The following DPP6 variants were observed in gnomAD, a reference collection of about 807,000 sequenced individuals.
DPP6 encodes dipeptidyl peptidase like 6, also known as A-type potassium channel modulatory protein DPP6.
DPP6 carries 69 observed loss-of-function variants against 122.6 expected under a neutral mutation model. The ratio of observed to expected loss-of-function variants is 0.56; its 90% CI spans 0.46 to 0.69. The LOEUF (loss-of-function observed/expected upper bound fraction) is 0.69, where lower values mean the gene tolerates loss of function less well. Ranked by LOEUF, DPP6 falls within the 30% of genes least tolerant of loss-of-function variation. DPP6 has a pLI of 0.00. For missense variants in DPP6, 928 were observed against 1,116.9 expected (o/e 0.83, Z 2.41); for synonymous variants, 418 against 433.1 (o/e 0.97, Z 0.43).
At chr7:154,295,859 A>G (rs774740566) in intron 1 of DPP6, among the ~76,000 whole-genome samples, 2 of 151,752 alleles carry the variant, frequency 1.3e-5, no homozygotes, top group African/African-American at 2.4e-5. Context: ...TTTTTTCTTA[A>G]GTACTGTGTC....
chr7:154,077,661 TTTATTA>T lies in DPP6; in HGVS notation c.243+24610_243+24615del, dbSNP rs796854345. 3.0e-4 allele frequency among the ~76,000 whole-genome samples: 44 copies of T among 148,094 alleles called. No homozygotes were observed. In the South Asian group the frequency reaches 3.0e-3, roughly 10 times the overall value. On this transcript the variant is annotated intron_variant, in intron 1 of 25. Transcript: ENST00000377770. Reference sequence around the variant, plus strand: ...AACCTTAAATAGATTATAGATTTTATTTATTATTATTATTATTTTTTTTTTTTTGAG... The same window carrying T: ...AACCTTAAATAGATTATAGATTTTATTTATTATTATTTTTTTTTTTTTGAG...
chr7:154,145,401 G>A (rs114972408), intron 1 of DPP6, among the ~76,000 whole-genome samples: 1,855 of 152,270 alleles, frequency 0.012, 14 homozygotes, highest in African/African-American at 0.042. Flanking sequence ...CAGCCACTGA[G>A]CTTGGAAGAG....
intron 1 of DPP6, among the ~76,000 whole-genome samples, chr7:153,956,178 G>C (rs1177566511): frequency 6.6e-6 from 1 of 152,132 alleles, no homozygotes; most frequent in African/African-American, 2.4e-5. Flanking sequence ...GTATCATCAG[G>C]GAAGCAACAC....
chr7:154,254,524 G>T (rs774126037), intron 1 of DPP6, among the ~76,000 whole-genome samples: 6 of 152,174 alleles, frequency 3.9e-5, no homozygotes, highest in Non-Finnish European at 8.8e-5. Flanking sequence ...GTAAGCAGGA[G>T]TTCTGAGATG....
intron 1 of DPP6, among the ~76,000 whole-genome samples, chr7:154,267,267 A>C (rs1398796904): frequency 6.7e-6 from 1 of 150,012 alleles, no homozygotes; most frequent in East Asian, 1.9e-4. Context: ...TAAATATTCA[A>C]CATTTTTTCA....
At chr7:154,206,314 C>T (rs567260445) in intron 1 of DPP6, among the ~76,000 whole-genome samples, 1 of 152,350 alleles carries the variant, frequency 6.6e-6, no homozygotes, top group African/African-American at 2.4e-5. Context: ...CATAAATTAG[C>T]AACCTCCTCT....
rs139562428 is a variant in DPP6, at chr7:154,744,055, G to A, written c.883+16168G>A. On this transcript the variant is annotated intron_variant, in intron 8 of 25. Transcript: ENST00000377770. ...TGCAGCTGAGCGGCCTTGGTGCAGAGGTGGATTTGCAGCCAGTTGTCCACA... is the reference window on the plus strand; with the variant it reads ...TGCAGCTGAGCGGCCTTGGTGCAGAAGTGGATTTGCAGCCAGTTGTCCACA... Among the ~76,000 whole-genome samples the A allele has an allele frequency of 3.5e-4, 54 of 152,274 alleles. No homozygotes were observed. In the Middle Eastern group the frequency reaches 0.02, roughly 58 times the overall value.
chr7:154,016,551 C>T (rs1024177023), intron 1 of DPP6, among the ~76,000 whole-genome samples: 1 of 151,796 alleles, frequency 6.6e-6, no homozygotes, highest in African/African-American at 2.4e-5. Flanking sequence ...TTGCTTGAGC[C>T]CAGGAATTCG....
At chr7:153,959,785 G>A (rs1795254464) in intron 1 of DPP6, among the ~76,000 whole-genome samples, 1 of 152,228 alleles carries the variant, frequency 6.6e-6, no homozygotes. Flanking sequence ...TCATTCATGT[G>A]TTCACTGGAG....
In DPP6 at chr7:154,064,173, G is replaced by A. The variant is rs71530498; in HGVS notation, c.243+11110G>A. On this transcript the variant is annotated intron_variant, in intron 1 of 25. Transcript: ENST00000377770. ...CTGTACCCCCATACACCTCTGTCCC[G>A]CTCCCCGTTCAGGCTGACAATGTGC... Among the ~76,000 whole-genome samples, 574 of 152,164 alleles carry A rather than the reference G, an allele frequency of 3.8e-3. 8 individuals are homozygous for A. The highest frequency in any genetic ancestry group is 0.01 in the Middle Eastern group (3 of 294).
intron 1 of DPP6, among the ~76,000 whole-genome samples, chr7:153,953,654 C>T (rs1239625691): frequency 1.3e-5 from 2 of 152,178 alleles, no homozygotes; most frequent in Non-Finnish European, 2.9e-5. Flanking sequence ...TAAATATCAC[C>T]TGATCACCTG....
chr7:154,562,696 T>A (rs1830497379), intron 4 of DPP6, among the ~76,000 whole-genome samples: 1 of 152,104 alleles, frequency 6.6e-6, no homozygotes, highest in Non-Finnish European at 1.5e-5. Context: ...TTCTAAGAAA[T>A]ATACAGAAAA....
In DPP6 at chr7:154,624,726, A is replaced by G. The variant is rs191465255; in HGVS notation, c.628-13095A>G. ...CTAAGCTCCAAGCCTGGAGCCTAGG[A>G]AACAGTGTCTCCCAGGAAGAAACCT... On this transcript the variant is annotated intron_variant, in intron 5 of 25. Transcript: ENST00000377770. This position sits in a 1 kb window ranked among gnomAD's most constrained non-coding sequence, Gnocchi z 4.7. 7.2e-5 allele frequency among the ~76,000 whole-genome samples: 11 copies of G among 152,264 alleles called. No homozygotes were observed. The East Asian group carries it at 2.1e-3, about 29-fold the overall frequency.
chr7:153,814,016 G>C, the DPP6 span, among the ~76,000 whole-genome samples: 26 of 139,386 alleles, frequency 1.9e-4, 1 homozygote, highest in Middle Eastern at 6.8e-3. Context: ...TGCAGAAGCT[G>C]TTTAGTTTAA....
At chr7:153,829,273 G>A in the DPP6 span, among the ~76,000 whole-genome samples, 1 of 152,136 alleles carries the variant, frequency 6.6e-6, no homozygotes, top group Non-Finnish European at 1.5e-5. Context: ...GAGTGCAGTG[G>A]TGCGATCTCG....
chr7:154,114,042 G>T (rs1182686643), intron 1 of DPP6, among the ~76,000 whole-genome samples: 1 of 151,750 alleles, frequency 6.6e-6, no homozygotes, highest in Non-Finnish European at 1.5e-5. Flanking sequence ...TTCTATTTGC[G>T]GATGACATGA....
intron 4 of DPP6, among the ~76,000 whole-genome samples, chr7:154,558,603 C>T (rs1437270692): frequency 1.3e-5 from 2 of 152,142 alleles, no homozygotes; most frequent in Non-Finnish European, 2.9e-5. Context: ...ACAAAAATTA[C>T]CGCTGTGTTA....
At chr7:153,790,183 C>T in the DPP6 span, among the ~76,000 whole-genome samples, 42 of 152,056 alleles carry the variant, frequency 2.8e-4, no homozygotes, top group African/African-American at 9.9e-4. Flanking sequence ...GGTGTGCTTT[C>T]AGTTCTCTAC....
intron 1 of DPP6, among the ~76,000 whole-genome samples, chr7:154,093,560 C>T (rs1289148798): frequency 2.1e-5 from 3 of 144,856 alleles, no homozygotes; most frequent in African/African-American, 7.6e-5. Flanking sequence ...ATACCATACA[C>T]CACACTGTAC....
Sources: gnomAD v4.1 joint callset for allele counts (sites outside exome capture counted in the v4.1 genomes callset) on GRCh38, gnomAD v4.1.1 for gene constraint, Gnocchi (gnomAD v3.1) non-coding constraint, MANE v1.5 for transcripts, NCBI Gene and HGNC (gene_info 2026-07-23, HGNC 2026-07-21) for gene names.